The following FAM234A variants were observed in gnomAD, a reference collection of about 807,000 sequenced individuals.
FAM234A encodes protein FAM234A.
A neutral mutation model predicts 49.1 loss-of-function variants in FAM234A; 42 were observed. The observed-to-expected ratio is 0.86, with a 90% CI of 0.67 to 1.11. The LOEUF (loss-of-function observed/expected upper bound fraction) is 1.11. Among genes scored for constraint, FAM234A ranks in the 50% least tolerant of loss-of-function variants. The pLI is 0.00. For synonymous variants in FAM234A, 369 were observed against 316.2 expected (o/e 1.17, Z -1.77); for missense variants, 815 against 745.2 (o/e 1.09, Z -1.09).
intron 1 of FAM234A, among the ~76,000 whole-genome samples, chr16:244,161 G>T (rs959162236): frequency 1.3e-5 from 2 of 151,992 alleles, no homozygotes; most frequent in African/African-American, 4.8e-5. Flanking sequence ...GTAGAGATGG[G>T]GTTTCACCGT....
At chr16:268,962 G>A (rs1235950130), downstream of FAM234A, 9 of 1,547,022 alleles carry the variant, frequency 5.8e-6, no homozygotes, top group South Asian at 1.2e-5. Context: ...CTGAAGACCA[G>A]AGAAGGTGGA....
chr16:253,536 G>A (rs973885909), intron 2 of FAM234A, among the ~76,000 whole-genome samples: 4 of 151,658 alleles, frequency 2.6e-5, no homozygotes, highest in Non-Finnish European at 4.4e-5. Flanking sequence ...GTGCACTGGC[G>A]TGATCTCGGC....
In FAM234A at chr16:257,845, T is replaced by C. The variant is rs532012462; in HGVS notation, c.269-1638T>C. 6.6e-5 allele frequency among the ~76,000 whole-genome samples: 10 copies of C among 151,968 alleles called. No individual in the cohort carries two copies. In the South Asian group the frequency reaches 1.7e-3, roughly 25 times the overall value. On this transcript the variant is annotated intron_variant, in intron 3 of 12. Transcript: ENST00000399932. Reference sequence around the variant, plus strand: ...TAAAATAAGGGGGACGGGGTTCAACTTTATTCTTTTTTTTTTGTTTGTTTG... The same window carrying C: ...TAAAATAAGGGGGACGGGGTTCAACCTTATTCTTTTTTTTTTGTTTGTTTG...
chr16:238,744 C>T (rs1484744384), intron 1 of FAM234A, among the ~76,000 whole-genome samples: 2 of 116,120 alleles, frequency 1.7e-5, no homozygotes, highest in African/African-American at 3.5e-5. Flanking sequence ...CCAGCCTGGG[C>T]GACAGAGTGA....
intron 4 of FAM234A, among the ~76,000 whole-genome samples, 179 bp downstream of exon 4, chr16:259,778 T>A (rs1169474750): frequency 1.3e-4 from 20 of 152,304 alleles, no homozygotes; most frequent in Middle Eastern, 3.4e-3. Flanking sequence ...AGCACTGCCC[T>A]GGCCCCTGAG....
At chr16:249,483 G>A (rs1332797393) in intron 1 of FAM234A, 66 bp from the exon 2 acceptor site, 1 of 152,042 alleles carries the variant, frequency 6.6e-6, no homozygotes, top group African/African-American at 2.4e-5. Flanking sequence ...GAGGATCTAA[G>A]TTCCTGACCT....
At chr16:261,286 G>A (rs2051454143) in intron 5 of FAM234A, 98 bp from the exon 6 acceptor site, 1 of 1,416,474 alleles carries the variant, frequency 7.1e-7, no homozygotes, top group East Asian at 2.3e-5. Flanking sequence ...CGAGGGTGAT[G>A]CCTCAACAGG....
At chr16:240,606 G>A (rs1392202609) in intron 1 of FAM234A, among the ~76,000 whole-genome samples, 3 of 151,638 alleles carry the variant, frequency 2.0e-5, no homozygotes, top group East Asian at 3.9e-4. Flanking sequence ...TGGTTAAAGC[G>A]ATACTCCTGC....
Position 262,250 on chromosome 16 carries a change from G to C in FAM234A, c.841+25G>C, listed in dbSNP as rs117867524. 2.4e-3 allele frequency: 3,840 copies of C among 1,612,506 alleles called. 73 individuals are homozygous for C. The East Asian group carries it at 0.04, about 17-fold the overall frequency. ...GGTACGTTGTTTCTGCCACATCCCT[G>C]GCCAGCCTCACTCGTGGAGCATGAC... On this transcript the variant is annotated intron_variant, in intron 7 of 12. Transcript: ENST00000399932.
At chr16:262,068 C>G (rs1369943687) in intron 6 of FAM234A, 25 bp from the exon 7 acceptor site, 8 of 1,611,278 alleles carry the variant, frequency 5.0e-6, no homozygotes, top group Non-Finnish European at 6.8e-6. Context: ...TCCCTCTCTT[C>G]CTGTGTCATC....
In FAM234A at chr16:264,399, T is replaced by A. The variant is rs1035260407; in HGVS notation, c.1345-215T>A. Among the ~76,000 whole-genome samples the A allele has an allele frequency of 2.6e-5, 4 of 152,298 alleles. No homozygotes were observed. The South Asian group carries it at 8.3e-4, about 32-fold the overall frequency. On this transcript the variant is annotated intron_variant, in intron 11 of 12. Transcript: ENST00000399932. ...CGGTGGATAGGGGCGCACACAGCCATGCCCTGAAGGGAGTGGCTGCCGGCA... is the reference window on the plus strand; with the variant it reads ...CGGTGGATAGGGGCGCACACAGCCAAGCCCTGAAGGGAGTGGCTGCCGGCA...
In FAM234A at chr16:234,914, C is replaced by T. The variant is rs541283522; in HGVS notation, c.-140+57C>T. The T allele has an allele frequency of 2.0e-3, 298 of 152,292 alleles. 2 individuals are homozygous for T. Among genetic ancestry groups the T allele is most frequent in the Non-Finnish European group, 3.6e-3 (244 of 68,126 alleles). 9.4% of individuals were successfully genotyped at this position (152,292 alleles called of 1,614,324 possible). ...CACGCCGCAGGGGCGCCGCAGGCCG[C>T]CCCTTCGCTCTGGGACCCCGGCCCC... is the stretch of plus-strand genomic sequence containing the variant. On this transcript the variant is annotated intron_variant, in intron 1 of 12. Coordinates refer to ENST00000399932, the MANE Select transcript of FAM234A (RefSeq NM_032039.4).
intron 1 of FAM234A, among the ~76,000 whole-genome samples, chr16:238,398 G>T (rs1215146858): frequency 1.3e-5 from 2 of 152,102 alleles, no homozygotes; most frequent in African/African-American, 4.8e-5. Context: ...TTTCAGCTGG[G>T]GTGCTGGCCG....
At position 259,684 on chromosome 16, in the gene FAM234A, T is replaced by G. The variant is rs543786170; in HGVS notation, c.385+85T>G. 12 of 876,280 alleles carry G rather than the reference T, an allele frequency of 1.4e-5. No homozygotes were observed. In the African/African-American group the frequency reaches 1.7e-4, roughly 12 times the overall value. 54.3% of individuals were successfully genotyped at this position (876,280 alleles called of 1,614,324 possible). A position where few individuals can be genotyped will look rare whatever the true frequency, so the allele number is the denominator to read the frequency against. ...GGGTCACCCTCTCGCTTTCAGTGTTTGGGGGAAGCAGATGGTGGTGTTTCT... is the reference window on the plus strand; with the variant it reads ...GGGTCACCCTCTCGCTTTCAGTGTTGGGGGGAAGCAGATGGTGGTGTTTCT... On this transcript the variant is annotated intron_variant, in intron 4 of 12. Coordinates refer to ENST00000399932, the MANE Select transcript of FAM234A (RefSeq NM_032039.4).
At chr16:267,965 CCA>C (rs962217871), downstream of FAM234A, among the ~76,000 whole-genome samples, 1 of 150,356 alleles carries the variant, frequency 6.7e-6, no homozygotes, top group Admixed American at 6.6e-5. Flanking sequence ...TGCGTACACA[CCA>C]CACGTGTGCC....
chr16:268,650 A>G, downstream of FAM234A: 1 of 932,914 alleles, frequency 1.1e-6, no homozygotes, highest in Non-Finnish European at 1.6e-6. Context: ...GAGGTGGGAA[A>G]GCAGGTGCCG....
chr16:257,044 A>G (rs1188067532), intron 3 of FAM234A, among the ~76,000 whole-genome samples: 1 of 151,234 alleles, frequency 6.6e-6, no homozygotes, highest in Non-Finnish European at 1.5e-5. Flanking sequence ...GCTTGGCCGT[A>G]ACTTTTGTAT....
chr16:251,467 CT>C (rs1168488669), intron 2 of FAM234A, among the ~76,000 whole-genome samples: 2 of 152,006 alleles, frequency 1.3e-5, no homozygotes, highest in Non-Finnish European at 2.9e-5. Context: ...CTCCACCCCC[CT>C]GGGCTCTAGT....
At chr16:261,164 C>T (rs577764409) in intron 5 of FAM234A, 83 of 506,698 alleles carry the variant, frequency 1.6e-4, no homozygotes, top group African/African-American at 1.2e-3. Context: ...TCTCCATACA[C>T]GGGCAGGACG....
Sources: gnomAD v4.1 joint callset for allele counts (sites outside exome capture counted in the v4.1 genomes callset) on GRCh38, gnomAD v4.1.1 for gene constraint, MANE v1.5 for transcripts, NCBI Gene and HGNC (gene_info 2026-07-23, HGNC 2026-07-21) for gene names.